Variants in SDK1 observed in about 807,000 individuals in gnomAD.
The protein encoded by SDK1 is protein sidekick-1.
A neutral mutation model predicts 245.5 loss-of-function variants in SDK1; 157 were observed. The observed-to-expected ratio is 0.64, with a 90% CI of 0.56 to 0.73. The LOEUF (loss-of-function observed/expected upper bound fraction) is 0.73. Ranked by LOEUF, SDK1 falls within the 30% of genes least tolerant of loss-of-function variation. The pLI is 0.00. For synonymous variants in SDK1, 1,647 were observed against 1,278.5 expected (o/e 1.29, Z -6.15); for missense variants, 3,583 against 3,002.3 (o/e 1.19, Z -4.52).
At chr7:4,017,547 C>T (rs1185243491) in intron 17 of SDK1, among the ~76,000 whole-genome samples, 195 bp downstream of exon 17, 2 of 152,180 alleles carry the variant, frequency 1.3e-5, no homozygotes, top group African/African-American at 4.8e-5. Flanking sequence ...AGACAGGAGA[C>T]AAATAATATT....
chr7:3,330,145 A>G (rs1780033302), intron 1 of SDK1, among the ~76,000 whole-genome samples: 1 of 152,154 alleles, frequency 6.6e-6, no homozygotes, highest in Non-Finnish European at 1.5e-5. Context: ...GGTGTCTGTG[A>G]ATAATGCTGG....
chr7:3,995,038 G>A (rs564137430), intron 14 of SDK1, among the ~76,000 whole-genome samples: 6 of 152,244 alleles, frequency 3.9e-5, no homozygotes, highest in South Asian at 4.1e-4. Context: ...TACTTCTTCC[G>A]TATAGAGGTT....
chr7:4,213,588 A>C (rs900957597), intron 38 of SDK1, among the ~76,000 whole-genome samples: 10 of 151,906 alleles, frequency 6.6e-5, no homozygotes, highest in African/African-American at 2.2e-4. Flanking sequence ...TGTCTCAAAA[A>C]AAAAAAAACC....
chr7:3,545,836 AAG>A (rs1325312989), intron 1 of SDK1, among the ~76,000 whole-genome samples: 1 of 152,252 alleles, frequency 6.6e-6, no homozygotes, highest in Non-Finnish European at 1.5e-5. Flanking sequence ...GAAAAGTGAA[AAG>A]AGAAAAGTAA....
At chr7:3,576,158 G>T (rs1348040553) in intron 1 of SDK1, among the ~76,000 whole-genome samples, 1 of 152,102 alleles carries the variant, frequency 6.6e-6, no homozygotes, top group African/African-American at 2.4e-5. Context: ...TACTAGACCA[G>T]GTGTGCTTTG....
chr7:3,326,028 C>T (rs1226219676), intron 1 of SDK1, among the ~76,000 whole-genome samples: 4 of 152,046 alleles, frequency 2.6e-5, no homozygotes, highest in Admixed American at 6.6e-5. Context: ...CCTATCTATC[C>T]TAATGTGTGT....
chr7:4,018,029 G>A (rs975831425), intron 17 of SDK1, among the ~76,000 whole-genome samples: 1 of 152,140 alleles, frequency 6.6e-6, no homozygotes, highest in Non-Finnish European at 1.5e-5. Context: ...AGCATTGGGA[G>A]ATCTCCTCCA....
chr7:4,145,663 G>T, intron 28 of SDK1, 59 bp from the exon 29 acceptor site: 1 of 1,482,930 alleles, frequency 6.7e-7, no homozygotes, highest in South Asian at 1.3e-5. Flanking sequence ...TGGGCACAGG[G>T]CTTCCCTGTG....
At chr7:3,923,846 G>A (rs866036845) in intron 5 of SDK1, among the ~76,000 whole-genome samples, 1 of 152,190 alleles carries the variant, frequency 6.6e-6, no homozygotes. Flanking sequence ...TTCCTCAGGG[G>A]TTCCTTTCAC....
chr7:3,333,750 TC>T (rs1432747448), intron 1 of SDK1, among the ~76,000 whole-genome samples: 1 of 152,210 alleles, frequency 6.6e-6, no homozygotes, highest in East Asian at 1.9e-4. Context: ...GAGGACAGAC[TC>T]TAATTCTTCC....
At chr7:3,589,856 T>C (rs1052542285) in intron 1 of SDK1, among the ~76,000 whole-genome samples, 1 of 152,170 alleles carries the variant, frequency 6.6e-6, no homozygotes, top group African/African-American at 2.4e-5. Flanking sequence ...AAGACAGTTA[T>C]AATATTTGCA....
intron 43 of SDK1, among the ~76,000 whole-genome samples, chr7:4,242,126 A>G (rs1583159780): frequency 1.3e-5 from 2 of 152,162 alleles, no homozygotes; most frequent in South Asian, 2.1e-4. Flanking sequence ...TTTTCAGGAC[A>G]TCTCCGGAGA....
intron 4 of SDK1, among the ~76,000 whole-genome samples, chr7:3,761,260 C>CTTTTTTTTTTTTTTTTTTTTTT (rs71029692): frequency 1.1e-5 from 1 of 93,764 alleles, no homozygotes; most frequent in Non-Finnish European, 2.0e-5. Flanking sequence ...GCCCCCCCTC[C>CTTTTTTTTTTTTTTTTTTTTTT]TTTTTTTTTT....
chr7:3,763,421 G>A (rs959939728), intron 4 of SDK1, among the ~76,000 whole-genome samples: 1 of 152,016 alleles, frequency 6.6e-6, no homozygotes, highest in Non-Finnish European at 1.5e-5. Flanking sequence ...CCTAGATTCT[G>A]CAACGAACAT....
At chr7:3,311,159 A>T (rs555607252) in intron 1 of SDK1, among the ~76,000 whole-genome samples, 1 of 152,280 alleles carries the variant, frequency 6.6e-6, no homozygotes, top group South Asian at 2.1e-4. Context: ...CTGGGATACA[A>T]CCTGGATAAA....
At chr7:4,010,908 CTT>C in intron 14 of SDK1, 56 bp from the exon 15 acceptor site, 1 of 1,580,966 alleles carries the variant, frequency 6.3e-7, no homozygotes, top group Non-Finnish European at 8.7e-7. Context: ...GCATTCACCT[CTT>C]ATTATTCAGA....
intron 13 of SDK1, among the ~76,000 whole-genome samples, chr7:3,982,003 C>T (rs570241927): frequency 3.7e-4 from 56 of 152,234 alleles, no homozygotes; most frequent in East Asian, 1.2e-3. Context: ...TTCCTAGTTA[C>T]GGAGGAGAAA....
chr7:3,783,484 A>G (rs370621313), intron 4 of SDK1, among the ~76,000 whole-genome samples: 1 of 152,142 alleles, frequency 6.6e-6, no homozygotes. Context: ...CAAAAAAAAA[A>G]AACCCTGTTG....
intron 4 of SDK1, among the ~76,000 whole-genome samples, chr7:3,818,620 GT>G (rs1779568962): frequency 6.6e-6 from 1 of 152,170 alleles, no homozygotes; most frequent in East Asian, 1.9e-4. Flanking sequence ...GTATTGGAGT[GT>G]TTTGATTTCT....
Sources: allele counts gnomAD v4.1 joint callset (sites outside exome capture counted in the v4.1 genomes callset), GRCh38; gene constraint gnomAD v4.1.1; transcripts MANE v1.5; gene names NCBI Gene and HGNC (gene_info 2026-07-23, HGNC 2026-07-21).